Variants in UACA observed in about 807,000 individuals in gnomAD.
The protein encoded by UACA is nuclear membrane binding protein.
Under a neutral mutation model 160.5 loss-of-function variants are expected in UACA, and 112 were observed. That is an observed-to-expected ratio of 0.70 (90% CI 0.60 to 0.82). The LOEUF (loss-of-function observed/expected upper bound fraction) is 0.82. Among genes scored for constraint, UACA ranks in the 40% least tolerant of loss-of-function variants. The pLI is 0.00. For missense variants in UACA, 1,574 were observed against 1,614.6 expected (o/e 0.97, Z 0.43); for synonymous variants, 557 against 568.4 (o/e 0.98, Z 0.29).
chr15:70,726,082 TA>T (rs1899136315), intron 1 of UACA, among the ~76,000 whole-genome samples: 1 of 152,166 alleles, frequency 6.6e-6, no homozygotes, highest in Non-Finnish European at 1.5e-5. Context: ...GCATCTTCTC[TA>T]AGCAAGCTTC....
At position 70,699,614 on chromosome 15, in the gene UACA, G is replaced by C. The variant is rs1898262397; in HGVS notation, c.125C>G (p.Ala42Gly). ...CACTTTTTCTACATCCCCCCTTTCT[G>C]CTGCTTTCATCAATCGGTCATCATA... The part of the protein sequence containing the change: ...NKYDDRLMKA[A>G]ERGDVEKVTS... The change falls in exon 2 of 19, where the codon GCA (alanine) becomes GGA (glycine). Residue 42 changes from alanine to glycine, a missense_variant. Ala to Gly is a moderately conservative substitution (Grantham distance 60). Transcript: ENST00000322954. 1 of 1,609,100 alleles carries C rather than the reference G, an allele frequency of 6.2e-7. No individual in the cohort carries two copies. The highest frequency in any genetic ancestry group is 1.4e-5 in the African/African-American group (1 of 73,314).
At chr15:70,657,151 G>C in intron 18 of UACA, 24 bp from the exon 19 acceptor site, 1 of 1,588,286 alleles carries the variant, frequency 6.3e-7, no homozygotes, top group African/African-American at 1.3e-5. Flanking sequence ...AGAAAGAGGA[G>C]CATTATTTTA....
intron 1 of UACA, among the ~76,000 whole-genome samples, chr15:70,711,934 C>T (rs1898692497): frequency 6.6e-6 from 1 of 151,936 alleles, no homozygotes; most frequent in Non-Finnish European, 1.5e-5. Flanking sequence ...ACAAACACAA[C>T]GTATGGCCTT....
intron 1 of UACA, among the ~76,000 whole-genome samples, chr15:70,707,238 AC>A (rs760779435): frequency 2.0e-5 from 3 of 152,200 alleles, no homozygotes; most frequent in Non-Finnish European, 4.4e-5. Flanking sequence ...ATGCAAAAGA[AC>A]AAAGTTGGAC....
intron 13 of UACA, among the ~76,000 whole-genome samples, chr15:70,672,789 T>C (rs1897181390): frequency 6.6e-6 from 1 of 151,932 alleles, no homozygotes; most frequent in Non-Finnish European, 1.5e-5. Context: ...TGAGACCTCG[T>C]CCTTACAAAA....
rs1481269884 is a variant in UACA, at chr15:70,667,837, G to T, written c.2847C>A (p.Ile949=). The change falls in exon 16 of 19, where the codon ATC becomes ATA. Residue 949 remains isoleucine, a synonymous_variant. Transcript: ENST00000322954. ...CTTGGCCTTTTCTGTAGTTGGCCAA[G>T]ATTTCAGCATTACTATCCTGCACCT... The part of the protein sequence containing the change: ...MRKVQDSNAE[I]LANYRKGQEE... 6.2e-7 allele frequency: 1 copy of T among 1,613,818 alleles called. No individual in the cohort carries two copies. Among genetic ancestry groups the T allele is most frequent in the Non-Finnish European group, 8.5e-7 (1 of 1,179,980 alleles).
At chr15:70,700,814 G>A (rs937094042) in intron 1 of UACA, among the ~76,000 whole-genome samples, 1 of 151,456 alleles carries the variant, frequency 6.6e-6, no homozygotes, top group Non-Finnish European at 1.5e-5. Flanking sequence ...ATTATTTCTA[G>A]AACAAAAAAA....
intron 5 of UACA, among the ~76,000 whole-genome samples, chr15:70,689,020 T>C (rs998106533): frequency 9.9e-5 from 15 of 152,180 alleles, no homozygotes; most frequent in East Asian, 1.9e-4. Context: ...ATATAGCCAA[T>C]TGATTTTGCT....
rs530685196 is a variant in UACA, at chr15:70,668,291, C to T, written c.2393G>A (p.Arg798His). ...ENDSLSKDVS[R>H]LETVFVPPEK... Reference sequence around the variant, plus strand: ...AGGAGGTACAAACACAGTTTCTAGGCGGCTTACATCCTTACTTAAGCTGTC... The same window carrying T: ...AGGAGGTACAAACACAGTTTCTAGGTGGCTTACATCCTTACTTAAGCTGTC... Residue 798 changes from arginine to histidine, a missense_variant, in exon 16 of 19, where the codon CGC becomes CAC. By Grantham distance (29) the Arg-to-His change is conservative. Transcript: ENST00000322954. 1.2e-5 allele frequency: 20 copies of T among 1,613,154 alleles called. No individual in the cohort carries two copies. The highest frequency in any genetic ancestry group is 3.3e-5 in the Admixed American group (2 of 59,866).
At chr15:70,759,948 C>T (rs1169633806) in intron 1 of UACA, among the ~76,000 whole-genome samples, 1 of 152,156 alleles carries the variant, frequency 6.6e-6, no homozygotes, top group Admixed American at 6.5e-5. Context: ...ATGCTGTATT[C>T]CACATATTAT....
At chr15:70,691,499 A>G (rs1897934052) in intron 3 of UACA, 136 bp from the exon 4 acceptor site, 1 of 596,810 alleles carries the variant, frequency 1.7e-6, no homozygotes, top group South Asian at 2.6e-5. Flanking sequence ...TCAGTTTCCA[A>G]AGATGTTTCA....
intron 1 of UACA, among the ~76,000 whole-genome samples, chr15:70,737,163 C>T (rs541559993): frequency 2.6e-5 from 4 of 152,142 alleles, no homozygotes; most frequent in Non-Finnish European, 5.9e-5. Flanking sequence ...AGGTGGCCAT[C>T]GGGGCTGAGT....
At chr15:70,674,441 T>C (rs1283612159) in intron 13 of UACA, among the ~76,000 whole-genome samples, 1 of 152,226 alleles carries the variant, frequency 6.6e-6, no homozygotes, top group African/African-American at 2.4e-5. Context: ...GTTAAGATTA[T>C]AGGTGTCTTT....
At chr15:70,700,959 C>T (rs2140969151) in intron 1 of UACA, among the ~76,000 whole-genome samples, 1 of 151,916 alleles carries the variant, frequency 6.6e-6, no homozygotes, top group South Asian at 2.1e-4. Context: ...CTACTATTCC[C>T]TATAAACCAA....
intron 1 of UACA, among the ~76,000 whole-genome samples, chr15:70,723,007 T>C (rs1413606554): frequency 6.6e-6 from 1 of 152,222 alleles, no homozygotes; most frequent in Non-Finnish European, 1.5e-5. Context: ...CAACAGGGAT[T>C]TGACATCAGA....
intron 1 of UACA, among the ~76,000 whole-genome samples, chr15:70,746,636 T>C (rs1899716169): frequency 6.6e-6 from 1 of 152,194 alleles, no homozygotes; most frequent in Admixed American, 6.5e-5. Context: ...TTACTGAGTA[T>C]ATACCAAAAT....
In UACA at chr15:70,667,653, C is replaced by CTT. The variant is rs1896970773; in HGVS notation, c.3030_3031insAA (p.Glu1011LysfsTer24). On this transcript the variant is annotated frameshift_variant, in exon 16 of 19. Transcript: ENST00000322954. LOFTEE classifies it high-confidence loss of function. The stretch of plus-strand genomic sequence containing the variant: ...CTGACACTATACTTTTGTGTCTGCT[C>CTT]TGATAACTGGTCTTTTAGTTCTTTC... The CTT allele has an allele frequency of 6.2e-7, 1 of 1,613,128 alleles. No homozygotes were observed. The highest frequency in any genetic ancestry group is 8.5e-7 in the Non-Finnish European group (1 of 1,179,994).
intron 1 of UACA, among the ~76,000 whole-genome samples, chr15:70,738,560 T>C (rs963462502): frequency 2.0e-5 from 3 of 152,154 alleles, no homozygotes; most frequent in Non-Finnish European, 4.4e-5. Flanking sequence ...AAGAGATCAC[T>C]GACAATAATC....
chr15:70,725,719 G>C (rs886604493), intron 1 of UACA, among the ~76,000 whole-genome samples: 42 of 152,196 alleles, frequency 2.8e-4, no homozygotes, highest in African/African-American at 8.9e-4. Flanking sequence ...ACCAAGAGTG[G>C]GGATACAAAT....
Sources: allele counts gnomAD v4.1 joint callset (sites outside exome capture counted in the v4.1 genomes callset), GRCh38; gene constraint gnomAD v4.1.1; transcripts MANE v1.5; gene names NCBI Gene and HGNC (gene_info 2026-07-23, HGNC 2026-07-21).